Variants in ZNF451 observed in about 807,000 individuals in gnomAD.
The protein encoded by ZNF451 is E3 SUMO-protein ligase ZNF451.
ZNF451 carries 80 observed loss-of-function variants against 107.1 expected under a neutral mutation model. That is an observed-to-expected ratio of 0.75 (90% CI 0.62 to 0.90). The LOEUF is 0.90. Among genes scored for constraint, ZNF451 ranks in the 40% least tolerant of loss-of-function variants. The probability of loss-of-function intolerance (pLI) is 0.00; values close to 1 mark genes in which losing one functional copy is unlikely to be tolerated. For missense variants in ZNF451, 1,107 were observed against 1,236.2 expected (o/e 0.90, Z 1.57); for synonymous variants, 362 against 406.5 (o/e 0.89, Z 1.32).
intron 12 of ZNF451, 50 bp downstream of exon 12, chr6:57,152,401 C>G (rs759175876): frequency 6.2e-7 from 1 of 1,605,292 alleles, no homozygotes. Context: ...GACCCACTTG[C>G]ATTTTTTTCC....
At position 57,128,824 on chromosome 6, in the gene ZNF451, G is replaced by C. The variant is rs1373850620; in HGVS notation, c.408G>C (p.Gln136His). The change falls in exon 5 of 15, where the codon CAG becomes CAC. Residue 136 changes from glutamine to histidine, a missense_variant. Physicochemically the swap from Gln to His is conservative, Grantham distance 24 (BLOSUM62 0). Around this residue, in one of 5 missense-constraint regions of ZNF451, gnomAD observed 339 missense variants for 372.8 expected, o/e 0.91. Coordinates refer to ENST00000370706, the MANE Select transcript of ZNF451 (RefSeq NM_001031623.3). ...AAGCAGCAAGACTGTGTGTGGACCAGTGGCTAAAAATGCCAGGTATTCTTT... is the reference window on the plus strand; with the variant it reads ...AAGCAGCAAGACTGTGTGTGGACCACTGGCTAAAAATGCCAGGTATTCTTT... ...DTEAARLCVD[Q>H]WLKMPGLKTG... is the part of the protein sequence containing the mutation. 6.2e-7 allele frequency: 1 copy of C among 1,609,248 alleles called. No homozygotes were observed.
At chr6:57,100,166 T>A (rs1593079684) in intron 3 of ZNF451, among the ~76,000 whole-genome samples, 2 of 152,216 alleles carry the variant, frequency 1.3e-5, no homozygotes, top group East Asian at 3.8e-4. Flanking sequence ...GTTTTAGATT[T>A]TTTTTCTTCT....
intron 2 of ZNF451, among the ~76,000 whole-genome samples, chr6:57,095,778 AC>A (rs1222689058): frequency 6.8e-6 from 1 of 146,400 alleles, no homozygotes; most frequent in East Asian, 2.0e-4. Context: ...ATTTGTCCTT[AC>A]TCCTTCCCTT....
intron 3 of ZNF451, chr6:57,107,879 C>T: frequency 1.1e-6 from 1 of 903,878 alleles, no homozygotes; most frequent in South Asian, 5.1e-5. Context: ...TGCTCTGTCA[C>T]CCAGGCTGGA....
intron 2 of ZNF451, among the ~76,000 whole-genome samples, chr6:57,098,542 T>C (rs1386836640): frequency 6.6e-6 from 1 of 152,198 alleles, no homozygotes; most frequent in Non-Finnish European, 1.5e-5. Context: ...TTATTTTCTT[T>C]TGCCTATTGA....
chr6:57,161,184 T>G, intron 14 of ZNF451, 32 bp downstream of exon 14: 1 of 1,269,474 alleles, frequency 7.9e-7, no homozygotes, highest in East Asian at 2.6e-5. Context: ...CTTTTCTACT[T>G]GACTGTATCT....
chr6:57,109,087 A>G (rs1228948907), intron 3 of ZNF451: 2 of 985,212 alleles, frequency 2.0e-6, no homozygotes, highest in East Asian at 2.3e-4. Flanking sequence ...TGTCTTAGCT[A>G]TTAACTAATT....
chr6:57,154,709 C>T (rs928647583), intron 13 of ZNF451, among the ~76,000 whole-genome samples: 2 of 152,012 alleles, frequency 1.3e-5, no homozygotes, highest in Non-Finnish European at 2.9e-5. Context: ...GAGTTATAAC[C>T]CCCTTTTTCA....
chr6:57,161,301 T>C, intron 14 of ZNF451, 149 bp downstream of exon 14: 1 of 485,752 alleles, frequency 2.1e-6, no homozygotes, highest in Non-Finnish European at 3.7e-6. Flanking sequence ...GCATTTTTCA[T>C]GTAAGATGAC....
chr6:57,108,736 TC>T, intron 3 of ZNF451: 1 of 985,442 alleles, frequency 1.0e-6, no homozygotes, highest in Non-Finnish European at 1.2e-6. Flanking sequence ...ATTGTCATCT[TC>T]CTGCCTGGGA....
intron 3 of ZNF451, chr6:57,108,913 T>C (rs1593094868): frequency 5.1e-6 from 5 of 985,460 alleles, no homozygotes; most frequent in Middle Eastern, 1.0e-3. Flanking sequence ...GCTTTAAATA[T>C]GGACTTTTTC....
rs1219935463 is a variant in ZNF451, at chr6:57,155,419, G to C, written c.3070+1372G>C. Among the ~76,000 whole-genome samples, 5 of 152,202 alleles carry C rather than the reference G, an allele frequency of 3.3e-5. No individual in the cohort carries two copies. In the South Asian group the frequency reaches 8.3e-4, roughly 25 times the overall value. ...GAGAATCGCTTGAACCCAGGAGGCG[G>C]AGGTTGCAGTGAGCTGAGATTGCAC... On this transcript the variant is annotated intron_variant, in intron 13 of 14. Transcript: ENST00000370706.
intron 13 of ZNF451, chr6:57,159,414 A>C: frequency 5.1e-6 from 5 of 985,264 alleles, no homozygotes; most frequent in Non-Finnish European, 6.0e-6. Context: ...TTTTGTTCTT[A>C]ATGTTTAGAG....
chr6:57,118,858 T>G (rs1229239887), intron 3 of ZNF451, among the ~76,000 whole-genome samples: 1 of 152,308 alleles, frequency 6.6e-6, no homozygotes, highest in South Asian at 2.1e-4. Flanking sequence ...GTGACTGCCA[T>G]TTCTGAGGAC....
intron 3 of ZNF451, among the ~76,000 whole-genome samples, chr6:57,113,619 A>T (rs1173997158): frequency 6.0e-5 from 9 of 150,982 alleles, no homozygotes; most frequent in South Asian, 2.1e-4. Context: ...GAGAAAAAAA[A>T]ATTTTTTTTT....
chr6:57,166,916 T>C (rs774960673), intron 14 of ZNF451, among the ~76,000 whole-genome samples: 2 of 152,210 alleles, frequency 1.3e-5, no homozygotes, highest in East Asian at 3.8e-4. Context: ...TTACCAAAAG[T>C]TGATACGCAG....
chr6:57,104,613 GA>G (rs915072455), intron 3 of ZNF451: 4 of 980,344 alleles, frequency 4.1e-6, no homozygotes, highest in African/African-American at 1.8e-5. Flanking sequence ...TAAAAAAAAA[GA>G]AAAAAAAAGG....
At chr6:57,138,856 C>G (rs1449217320) in intron 7 of ZNF451, among the ~76,000 whole-genome samples, 1 of 146,530 alleles carries the variant, frequency 6.8e-6, no homozygotes, top group Non-Finnish European at 1.5e-5. Context: ...CCTCCCACCT[C>G]AGCCTCCTTA....
At chr6:57,160,361 C>T (rs1170353009) in intron 13 of ZNF451, among the ~76,000 whole-genome samples, 3 of 151,430 alleles carry the variant, frequency 2.0e-5, no homozygotes, top group South Asian at 2.1e-4. Flanking sequence ...GAGACAGGGT[C>T]CCACTCTTGT....
Sources: gnomAD v4.1 joint callset for allele counts (sites outside exome capture counted in the v4.1 genomes callset) on GRCh38, gnomAD v4.1.1 for gene constraint, gnomAD v4.1.1 regional missense constraint, MANE v1.5 for transcripts, NCBI Gene and HGNC (gene_info 2026-07-23, HGNC 2026-07-21) for gene names.